TBC1D31: variants seen among roughly 807,000 people sequenced by gnomAD.
TBC1D31 encodes WD repeat domain 67.
In TBC1D31, 99 loss-of-function variants were observed where a neutral mutation model predicts 132.9. The ratio of observed to expected loss-of-function variants is 0.74; its 90% CI spans 0.63 to 0.88. The LOEUF is 0.88. TBC1D31 is among the 40% of genes least tolerant of loss of function. TBC1D31 has a pLI of 0.00. For missense variants in TBC1D31, 1,134 were observed against 1,256.6 expected (o/e 0.90, Z 1.48); for synonymous variants, 385 against 419.4 (o/e 0.92, Z 1.00).
chr8:123,150,217 TGTG>T (rs1456667693), intron 21 of TBC1D31, 89 bp downstream of exon 21: 1 of 949,048 alleles, frequency 1.1e-6, no homozygotes, highest in African/African-American at 1.6e-5. Flanking sequence ...ATTTATAGCA[TGTG>T]GACGCCATTT....
chr8:123,112,849 A>G (rs10956120), intron 10 of TBC1D31, among the ~76,000 whole-genome samples: 45,744 of 152,052 alleles, frequency 0.3, 6,915 homozygotes, highest in African/African-American at 0.32. Context: ...TACTTTTTCT[A>G]TTTGGTCTTC....
At chr8:123,082,265 A>G (rs938576761) in intron 2 of TBC1D31, among the ~76,000 whole-genome samples, 1 of 152,008 alleles carries the variant, frequency 6.6e-6, no homozygotes, top group Non-Finnish European at 1.5e-5. Flanking sequence ...ATCTATTCTT[A>G]TCTTCATTTT....
chr8:123,109,493 C>A lies in TBC1D31; in HGVS notation c.1309C>A (p.Leu437Met). The change falls in exon 10 of 22, where the codon CTG becomes ATG. Residue 437 changes from leucine to methionine, a missense_variant. Leu to Met is a conservative substitution (Grantham distance 15). Coordinates refer to ENST00000287380, the MANE Select transcript of TBC1D31 (RefSeq NM_145647.4). ...TTTCAGAATGTTCATTTGGCGCTCT[C>A]TGCTACAACTGCCTGAAAATCATAC... ...TKYRMFIWRS[L>M]LQLPENHTAF... 7 of 1,613,832 alleles carry A rather than the reference C, an allele frequency of 4.3e-6. 1 individual carries two copies. In the South Asian group the frequency reaches 6.6e-5, roughly 15 times the overall value.
At chr8:123,141,581 T>G (rs1821675145) in intron 18 of TBC1D31, among the ~76,000 whole-genome samples, 1 of 152,202 alleles carries the variant, frequency 6.6e-6, no homozygotes, top group South Asian at 2.1e-4. Flanking sequence ...AAATGTTAAA[T>G]GGGTATGTGT....
chr8:123,082,458 G>T, intron 2 of TBC1D31: 1 of 396,902 alleles, frequency 2.5e-6, no homozygotes, highest in Non-Finnish European at 4.5e-6. Context: ...TTGCTGCCAG[G>T]ATCGTCTTCC....
chr8:123,128,875 C>CA (rs374584609), intron 14 of TBC1D31, among the ~76,000 whole-genome samples, 191 bp from the exon 15 acceptor site: 295 of 122,204 alleles, frequency 2.4e-3, no homozygotes, highest in South Asian at 5.0e-3. Context: ...GACTTCATCT[C>CA]AAAAAAAAAA....
chr8:123,092,150 G>A (rs1816388687), intron 4 of TBC1D31, among the ~76,000 whole-genome samples: 1 of 152,062 alleles, frequency 6.6e-6, no homozygotes, highest in Admixed American at 6.6e-5. Flanking sequence ...GAGTAGCTGG[G>A]ATTACAGGCG....
At chr8:123,128,948 ATAGT>A in intron 14 of TBC1D31, 114 bp from the exon 15 acceptor site, 1 of 642,048 alleles carries the variant, frequency 1.6e-6, no homozygotes, top group African/African-American at 1.9e-5. Flanking sequence ...AATATTAAAG[ATAGT>A]TAATTCTTGC....
At chr8:123,096,057 A>G (rs1339025619) in intron 5 of TBC1D31, among the ~76,000 whole-genome samples, 2 of 152,190 alleles carry the variant, frequency 1.3e-5, no homozygotes, top group African/African-American at 4.8e-5. Flanking sequence ...TTAGACTACT[A>G]TAATAGCCTT....
chr8:123,082,887 C>A, intron 3 of TBC1D31, 70 bp downstream of exon 3: 1 of 1,060,316 alleles, frequency 9.4e-7, no homozygotes, highest in Non-Finnish European at 1.4e-6. Context: ...AGAACTTTAT[C>A]ACTCTGTACA....
In TBC1D31 at chr8:123,120,123, T is replaced by G; in HGVS notation, c.1505T>G (p.Phe502Cys). ...ACACCATATCTTCCACTCTTGGCAT[T>G]TCCATTTGTAAAATTATTCCAGAAC... ...SDTPYLPLLA[F>C]PFVKLFQNNQ... The change falls in exon 11 of 22, where the codon TTT (phenylalanine) becomes TGT (cysteine). Residue 502 changes from phenylalanine to cysteine, a missense_variant. Physicochemically the swap from Phe to Cys is radical, Grantham distance 205. Coordinates refer to ENST00000287380, the MANE Select transcript of TBC1D31 (RefSeq NM_145647.4). 6.2e-7 allele frequency: 1 copy of G among 1,611,270 alleles called. No homozygotes were observed. Among genetic ancestry groups the G allele is most frequent in the Non-Finnish European group, 8.5e-7 (1 of 1,178,486 alleles).
intron 8 of TBC1D31, among the ~76,000 whole-genome samples, chr8:123,107,700 A>G (rs994755807): frequency 2.6e-5 from 4 of 152,230 alleles, no homozygotes; most frequent in African/African-American, 9.6e-5. Context: ...GGTATCTGGC[A>G]GCATTGTAGT....
At position 123,109,399 on chromosome 8, in the gene TBC1D31, AC is replaced by A; in HGVS notation, c.1289+4del. 1 of 1,609,040 alleles carries A rather than the reference AC, an allele frequency of 6.2e-7. No homozygotes were observed. The highest frequency in any genetic ancestry group is 1.1e-5 in the South Asian group (1 of 90,606). ...GGTGAATATCCAACAAAATACAGGT[AC>A]AATTTAAATTCTGTATGTTACATCA... On this transcript the variant is annotated splice_donor_region_variant and intron_variant, in intron 9 of 21. Transcript: ENST00000287380.
At chr8:123,124,199 A>C (rs1819790689) in intron 11 of TBC1D31, among the ~76,000 whole-genome samples, 1 of 152,152 alleles carries the variant, frequency 6.6e-6, no homozygotes, top group African/African-American at 2.4e-5. Context: ...TTTGGCTTTT[A>C]GGTTTGTAGT....
chr8:123,084,400 GGATGTATA>G lies in TBC1D31; in HGVS notation c.519+65_519+72del. 1.3e-5 allele frequency: 20 copies of G among 1,483,346 alleles called. No individual in the cohort carries two copies. In the South Asian group the frequency reaches 2.4e-4, roughly 18 times the overall value. The allele number at this position is 1,483,346 out of a possible 1,614,324, so 91.9% of individuals were successfully genotyped here. On this transcript the variant is annotated intron_variant, in intron 4 of 21. Transcript: ENST00000287380. ...TCTCGGGCTAATTTCTTGGTCAACAGGATGTATAGATGATATAAGAGTAATGATTCACT... is the reference window on the plus strand; with the variant it reads ...TCTCGGGCTAATTTCTTGGTCAACAGGATGATATAAGAGTAATGATTCACT...
At chr8:123,080,151 T>A (rs1814983317) in intron 2 of TBC1D31, among the ~76,000 whole-genome samples, 1 of 152,246 alleles carries the variant, frequency 6.6e-6, no homozygotes, top group African/African-American at 2.4e-5. Flanking sequence ...TAGTATGAGA[T>A]GTTATCAACT....
rs1056466324 is a variant in TBC1D31, at chr8:123,100,816, G to A, written c.841G>A (p.Val281Ile). The A allele has an allele frequency of 8.1e-6, 13 of 1,612,230 alleles. No homozygotes were observed. Among genetic ancestry groups the A allele is most frequent in the Non-Finnish European group, 9.3e-6 (11 of 1,178,490 alleles). Reference protein sequence around the residue: ...FDAGSNQVLGVLSQDGIMRFI... With the variant: ...FDAGSNQVLGILSQDGIMRFI... ...ATTTTTTCTCTCTTAGGTTCTTGGA[G>A]TACTAAGTCAAGATGGTATTATGAG... is the stretch of plus-strand genomic sequence containing the variant. Residue 281 changes from valine to isoleucine, a missense_variant, in exon 7 of 22, where the codon GTA becomes ATA. Coordinates refer to ENST00000287380, the MANE Select transcript of TBC1D31 (RefSeq NM_145647.4).
chr8:123,119,903 A>G, intron 10 of TBC1D31, 152 bp from the exon 11 acceptor site: 1 of 607,966 alleles, frequency 1.6e-6, no homozygotes, highest in Non-Finnish European at 2.7e-6. Context: ...AAGGATTTAT[A>G]CTTTTAACAA....
the TBC1D31 span, among the ~76,000 whole-genome samples, chr8:123,161,691 A>T: frequency 2.4e-3 from 363 of 152,228 alleles, 3 homozygotes; most frequent in Non-Finnish European, 4.1e-3. Flanking sequence ...TGATTTTTTT[A>T]AAATATAAAA....
Sources: gnomAD v4.1 joint callset for allele counts (sites outside exome capture counted in the v4.1 genomes callset) on GRCh38, gnomAD v4.1.1 for gene constraint, MANE v1.5 for transcripts, NCBI Gene and HGNC (gene_info 2026-07-23, HGNC 2026-07-21) for gene names.